KAZN: variants seen among roughly 807,000 people sequenced by gnomAD.
The protein encoded by KAZN is kazrin.
KAZN carries 40 observed loss-of-function variants against 87.4 expected under a neutral mutation model. The ratio of observed to expected loss-of-function variants is 0.46; its 90% CI spans 0.36 to 0.60. The LOEUF is 0.60. KAZN is among the 20% of genes least tolerant of loss of function. The pLI is 0.00. For missense variants in KAZN, 898 were observed against 1,073.9 expected, an observed-to-expected ratio of 0.84 and a Z score of 2.29; for synonymous variants, 466 against 458.3, an observed-to-expected ratio of 1.02 and a Z score of -0.22.
At chr1:14,612,084 C>G in intron 1 of KAZN, among the ~76,000 whole-genome samples, 3 of 152,168 alleles carry the variant, frequency 2.0e-5, no homozygotes, top group African/African-American at 7.2e-5. Context: ...TGACCCAGCT[C>G]GACACACAGG....
At chr1:15,022,282 C>A (rs570677054) in intron 2 of KAZN, among the ~76,000 whole-genome samples, 1 of 152,322 alleles carries the variant, frequency 6.6e-6, no homozygotes, top group Admixed American at 6.5e-5. Context: ...CACCCCGCCC[C>A]AGGGTGCTGC....
intron 2 of KAZN, among the ~76,000 whole-genome samples, chr1:14,491,563 A>AAATT (rs1269724409): frequency 6.6e-6 from 1 of 152,148 alleles, no homozygotes; most frequent in African/African-American, 2.4e-5. Flanking sequence ...TAATGAGAAT[A>AAATT]CCTTCTGTAT....
rs910896922 is a variant in KAZN, at chr1:14,333,695, C to T, written c.249+153103C>T. On this transcript the variant is annotated intron_variant, in intron 2 of 16. Transcript: ENST00000636203. ...GCTTGGACAAGAGAAACAGCATGGA[C>T]ATGGATTAGGGATGCTGACAGGGGC... Among the ~76,000 whole-genome samples the T allele has an allele frequency of 7.2e-5, 11 of 152,208 alleles. No homozygotes were observed. The East Asian group carries it at 2.1e-3, about 29-fold the overall frequency.
chr1:14,149,439 G>A (rs1206828601), intron 1 of KAZN, among the ~76,000 whole-genome samples: 3 of 152,110 alleles, frequency 2.0e-5, no homozygotes, highest in East Asian at 1.9e-4. Flanking sequence ...TCTTTTAGGT[G>A]CACAGTTCAC....
chr1:14,920,100 CAACTTTA>C (rs1220637054), intron 1 of KAZN, among the ~76,000 whole-genome samples: 1 of 152,034 alleles, frequency 6.6e-6, no homozygotes, highest in African/African-American at 2.4e-5. Context: ...CTCAAATATT[CAACTTTA>C]AGCAGACACC....
chr1:14,762,287 C>T (rs1050487845), intron 1 of KAZN, among the ~76,000 whole-genome samples: 2 of 152,092 alleles, frequency 1.3e-5, no homozygotes, highest in Non-Finnish European at 2.9e-5. Context: ...CGTATCCTGG[C>T]CAGGGAGTGT....
At chr1:14,885,456 A>G (rs558457495) in intron 1 of KAZN, among the ~76,000 whole-genome samples, 54 of 152,224 alleles carry the variant, frequency 3.5e-4, no homozygotes, top group Non-Finnish European at 6.5e-4. Context: ...TTCCTCCAAC[A>G]TATGTCAGGT....
chr1:14,766,313 C>T (rs1037914337), intron 1 of KAZN, among the ~76,000 whole-genome samples: 11 of 151,854 alleles, frequency 7.2e-5, no homozygotes, highest in Non-Finnish European at 1.5e-4. Flanking sequence ...GGAAGTTGCC[C>T]CCAGTTGCAC....
chr1:14,464,138 G>A lies in KAZN; in HGVS notation c.250-134845G>A, dbSNP rs187211597. Reference sequence around the variant, plus strand: ...GAACATTAATCCACGGTGGAACTTCGTGCAACACATGCTCCCTCCCTGGAC... The same window carrying A: ...GAACATTAATCCACGGTGGAACTTCATGCAACACATGCTCCCTCCCTGGAC... On this transcript the variant is annotated intron_variant, in intron 2 of 16. Transcript: ENST00000636203. Among the ~76,000 whole-genome samples, 131 of 152,298 alleles carry A rather than the reference G, an allele frequency of 8.6e-4. 1 individual carries two copies. In the South Asian group the frequency reaches 0.02, roughly 23 times the overall value.
intron 1 of KAZN, among the ~76,000 whole-genome samples, chr1:14,150,953 C>T (rs186614635): frequency 7.0e-4 from 105 of 150,128 alleles, no homozygotes; most frequent in African/African-American, 2.4e-3. Flanking sequence ...ATAAACCCTG[C>T]TAACATTGTC....
chr1:14,736,465 ATTTTTTTTT>A (rs756285598), intron 1 of KAZN, among the ~76,000 whole-genome samples: 68 of 108,042 alleles, frequency 6.3e-4, no homozygotes, highest in African/African-American at 2.2e-3. Flanking sequence ...CACCCAGCTA[ATTTTTTTTT>A]TTTTTTTTTT....
At chr1:15,060,488 G>A (rs1638700950) in intron 6 of KAZN, 186 bp downstream of exon 6, 1 of 803,004 alleles carries the variant, frequency 1.2e-6, no homozygotes, top group African/African-American at 1.7e-5. Context: ...AAAAAGGAAT[G>A]AGGCCCGTTT....
intron 1 of KAZN, among the ~76,000 whole-genome samples, chr1:13,932,073 G>A (rs1359244342): frequency 1.3e-5 from 2 of 148,962 alleles, no homozygotes; most frequent in South Asian, 2.1e-4. Context: ...GGCCAGGCTG[G>A]TCTCAAATTC....
In KAZN at chr1:15,048,461, A is replaced by G. The variant is rs191331110; in HGVS notation, c.726+4302A>G. On this transcript the variant is annotated intron_variant, in intron 4 of 14. Transcript: ENST00000376030. ...GTGTATGTGTAAAATATTGTTTATC[A>G]ACTTAGAATGTCAAGGCCCGAGCCC... 5.7e-3 allele frequency among the ~76,000 whole-genome samples: 875 copies of G among 152,234 alleles called. 6 individuals carry two copies. The highest frequency in any genetic ancestry group is 0.042 in the South Asian group (200 of 4,818).
chr1:15,037,205 G>T (rs551098784), intron 3 of KAZN, among the ~76,000 whole-genome samples: 55 of 152,354 alleles, frequency 3.6e-4, no homozygotes, highest in Non-Finnish European at 6.3e-4. Flanking sequence ...ATGCCCAGCA[G>T]CAGGGAAACC....
At chr1:14,674,524 C>G (rs1269502095) in intron 1 of KAZN, among the ~76,000 whole-genome samples, 1 of 152,162 alleles carries the variant, frequency 6.6e-6, no homozygotes, top group Non-Finnish European at 1.5e-5. Context: ...GCTACCTTCC[C>G]CAGGTAGATT....
rs1378110233 is a variant in KAZN at position 14,769,720 on chromosome 1, C to G, written c.226+170497C>G. On this transcript the variant is annotated intron_variant, in intron 1 of 14. Transcript: ENST00000376030. The surrounding 1 kb of genome is among the most constrained non-coding windows in gnomAD (Gnocchi z 4.1). Reference sequence around the variant, plus strand: ...TCTAAGTGATTGCGGGAAATTAACACTGGTCCTTCATTCGTTCATTTAGTC... The same window carrying G: ...TCTAAGTGATTGCGGGAAATTAACAGTGGTCCTTCATTCGTTCATTTAGTC... Among the ~76,000 whole-genome samples, 1 of 152,232 alleles carries G rather than the reference C, an allele frequency of 6.6e-6. No homozygotes were observed. The highest frequency in any genetic ancestry group is 1.9e-4 in the East Asian group (1 of 5,194).
At chr1:14,361,503 A>C (rs970711760) in intron 2 of KAZN, among the ~76,000 whole-genome samples, 1 of 152,184 alleles carries the variant, frequency 6.6e-6, no homozygotes, top group Non-Finnish European at 1.5e-5. Flanking sequence ...GGTATGAAAA[A>C]AACTGCAGCT....
intron 1 of KAZN, among the ~76,000 whole-genome samples, chr1:13,995,184 A>C (rs1639450899): frequency 6.7e-6 from 1 of 149,156 alleles, no homozygotes; most frequent in African/African-American, 2.5e-5. Flanking sequence ...TTCTCTTATC[A>C]TTACTTCTTG....
Sources: gnomAD v4.1 joint callset for allele counts (sites outside exome capture counted in the v4.1 genomes callset) on GRCh38, gnomAD v4.1.1 for gene constraint, Gnocchi (gnomAD v3.1) non-coding constraint, MANE v1.5 for transcripts, NCBI Gene and HGNC (gene_info 2026-07-23, HGNC 2026-07-21) for gene names.